The following ODF2 variants were observed in gnomAD, a reference collection of about 807,000 sequenced individuals.
ODF2 encodes outer dense fiber protein 2.
A neutral mutation model predicts 110.2 loss-of-function variants in ODF2; 47 were observed. The ratio of observed to expected loss-of-function variants is 0.43; its 90% confidence interval spans 0.34 to 0.54. The LOEUF (loss-of-function observed/expected upper bound fraction) is 0.54, where lower values mean the gene tolerates loss of function less well. Ranked by LOEUF, ODF2 falls within the 20% of genes least tolerant of loss-of-function variation. ODF2 has a pLI of 0.03. For missense variants in ODF2, 812 were observed against 1,054.5 expected, an observed-to-expected ratio of 0.77 and a Z score of 3.19; for synonymous variants, 352 against 397.7, an observed-to-expected ratio of 0.89 and a Z score of 1.37.
At chr9:128,463,588 TCAAAAA>T (rs1480026396) in intron 4 of ODF2, among the ~76,000 whole-genome samples, 1 of 152,168 alleles carries the variant, frequency 6.6e-6, no homozygotes, top group Non-Finnish European at 1.5e-5. Context: ...GGACCCTGTC[TCAAAAA>T]CAAAAAGATT....
intron 6 of ODF2, among the ~76,000 whole-genome samples, chr9:128,472,004 G>A (rs544590845): frequency 1.3e-5 from 2 of 152,270 alleles, no homozygotes; most frequent in Non-Finnish European, 1.5e-5. Context: ...TTATTTGGCC[G>A]GGCGTGGTGG....
intron 8 of ODF2, among the ~76,000 whole-genome samples, chr9:128,479,667 C>G (rs943168019): frequency 1.3e-5 from 2 of 152,146 alleles, no homozygotes; most frequent in African/African-American, 4.8e-5. Flanking sequence ...CCAGCAACGT[C>G]TATTGCTGCA....
intron 8 of ODF2, among the ~76,000 whole-genome samples, chr9:128,479,180 T>A (rs1189386774): frequency 6.6e-6 from 1 of 152,138 alleles, no homozygotes; most frequent in Non-Finnish European, 1.5e-5. Context: ...CCAGGAAACT[T>A]TGGGAACCAG....
At chr9:128,483,608 T>C (rs1842828121) in intron 10 of ODF2, among the ~76,000 whole-genome samples, 1 of 148,840 alleles carries the variant, frequency 6.7e-6, no homozygotes, top group Non-Finnish European at 1.5e-5. Context: ...TTATTGACCA[T>C]GCGCGGTGGC....
chr9:128,487,712 G>T (rs186917267), intron 13 of ODF2, among the ~76,000 whole-genome samples, 178 bp from the exon 14 acceptor site: 25 of 152,082 alleles, frequency 1.6e-4, no homozygotes, highest in Non-Finnish European at 3.1e-4. Context: ...GCATGAACAC[G>T]GGAGGCGGAG....
chr9:128,457,465 C>T lies in ODF2; in HGVS notation c.32+28C>T, dbSNP rs569163410. On this transcript the variant is annotated intron_variant, in intron 2 of 20. Coordinates refer to ENST00000604420, the Ensembl canonical transcript of ODF2. ...ATTGCCGATGTGGGAGGCGCCTGCG[C>T]CGGAGGGCAGGGAAAGGTGGCCAGG... 4.4e-6 allele frequency: 7 copies of T among 1,590,416 alleles called. No homozygotes were observed. The South Asian group carries it at 5.6e-5, about 13-fold the overall frequency.
chr9:128,456,979 G>A (rs940762482), intron 1 of ODF2: 2 of 1,252,594 alleles, frequency 1.6e-6, no homozygotes, highest in Non-Finnish European at 2.0e-6. Context: ...TCCCTGCGCG[G>A]TTCTGGCCCT....
At chr9:128,489,380 T>C (rs1034732848) in intron 14 of ODF2, among the ~76,000 whole-genome samples, 1 of 152,230 alleles carries the variant, frequency 6.6e-6, no homozygotes. Flanking sequence ...CTCACTCTGA[T>C]TGAACCTTGC....
Position 128,474,425 on chromosome 9 carries a change from G to A in ODF2, c.843+684G>A, listed in dbSNP as rs371089437. On this transcript the variant is annotated intron_variant, in intron 8 of 20. Transcript: ENST00000604420. ...GGAGAATTGCTTGAACCTGGGAGGC[G>A]GAGGTTGCGGTGAGCTGAGATCGCG... 3.7e-4 allele frequency among the ~76,000 whole-genome samples: 57 copies of A among 152,022 alleles called. No individual in the cohort carries two copies. The East Asian group carries it at 4.3e-3, about 11-fold the overall frequency.
chr9:128,461,387 C>T (rs975163053), intron 4 of ODF2: 1 of 264,706 alleles, frequency 3.8e-6, no homozygotes, highest in Admixed American at 4.7e-5. Flanking sequence ...CTCTGCTTTG[C>T]TTGTGAGGAG....
intron 1 of ODF2, chr9:128,456,924 C>T: frequency 3.2e-6 from 4 of 1,262,982 alleles, no homozygotes; most frequent in Non-Finnish European, 4.0e-6. Context: ...AACGCCCCTT[C>T]TCCTAGGAGA....
At chr9:128,476,590 G>GT (rs966926537) in intron 8 of ODF2, among the ~76,000 whole-genome samples, 11 of 150,712 alleles carry the variant, frequency 7.3e-5, no homozygotes, top group Non-Finnish European at 7.4e-5. Context: ...ACCAAGCCCT[G>GT]TTTTTTTGTT....
At chr9:128,488,185 T>C (rs1431081316) in intron 14 of ODF2, among the ~76,000 whole-genome samples, 160 bp downstream of exon 14, 1 of 152,072 alleles carries the variant, frequency 6.6e-6, no homozygotes, top group Non-Finnish European at 1.5e-5. Flanking sequence ...CCCAACACTT[T>C]GGGAGGCCAA....
At chr9:128,457,174 T>C in intron 1 of ODF2, 1 of 1,479,604 alleles carries the variant, frequency 6.8e-7, no homozygotes. Flanking sequence ...GCTCAGCCTC[T>C]ACTATTTCCC....
Position 128,496,031 on chromosome 9 carries a change from G to A in ODF2, c.1912-10G>A, listed in dbSNP as rs1168249063. On this transcript the variant is annotated splice_polypyrimidine_tract_variant and intron_variant, in intron 17 of 20. Transcript: ENST00000604420. ...CCTTTGTAAACCAGTCTGTGTTCCT[G>A]TCATTTTAGATCGAACACCAGGGGG... 1.9e-6 allele frequency: 3 copies of A among 1,613,568 alleles called. No homozygotes were observed. The highest frequency in any genetic ancestry group is 2.5e-6 in the Non-Finnish European group (3 of 1,179,900).
intron 5 of ODF2, among the ~76,000 whole-genome samples, chr9:128,470,026 T>A (rs1307898668): frequency 1.4e-3 from 69 of 49,678 alleles, no homozygotes; most frequent in Non-Finnish European, 2.1e-3. Context: ...AAAATATATA[T>A]ATATATATAT....
At chr9:128,481,469 T>G in intron 8 of ODF2, 111 bp from the exon 9 acceptor site, 1 of 739,618 alleles carries the variant, frequency 1.4e-6, no homozygotes, top group Non-Finnish European at 2.1e-6. Flanking sequence ...AGAGTAAGAC[T>G]CTAAAAAAAA....
intron 13 of ODF2, among the ~76,000 whole-genome samples, chr9:128,487,049 T>C (rs1299159798): frequency 2.0e-5 from 3 of 152,096 alleles, no homozygotes; most frequent in Non-Finnish European, 4.4e-5. Context: ...TATGAGAGGA[T>C]CAAGATGGGT....
At chr9:128,491,650 C>T (rs965052614) in intron 14 of ODF2, among the ~76,000 whole-genome samples, 32 of 151,228 alleles carry the variant, frequency 2.1e-4, no homozygotes, top group Middle Eastern at 3.4e-3. Context: ...GGTGACAGAG[C>T]GAGACTCCAT....
Sources: gnomAD v4.1 joint callset for allele counts (sites outside exome capture counted in the v4.1 genomes callset) on GRCh38, gnomAD v4.1.1 for gene constraint, MANE v1.5 for transcripts, NCBI Gene and HGNC (gene_info 2026-07-23, HGNC 2026-07-21) for gene names.